The following SH3KBP1 variants were observed in gnomAD, a reference collection of about 807,000 sequenced individuals.
SH3KBP1 encodes the protein SH3 domain-containing kinase-binding protein 1.
A neutral mutation model predicts 50.1 loss-of-function variants in SH3KBP1; 8 were observed. That is an observed-to-expected ratio of 0.16 (90% CI 0.09 to 0.29). SH3KBP1 has a LOEUF of 0.29. SH3KBP1 is among the 10% of genes least tolerant of loss of function. The pLI is 1.00. For missense variants in SH3KBP1, 377 were observed against 535.2 expected, an observed-to-expected ratio of 0.70 and a Z score of 2.92; for synonymous variants, 227 against 218.6, an observed-to-expected ratio of 1.04 and a Z score of -0.34.
At chrX:19,791,181 G>C (rs763410005) in intron 2 of SH3KBP1, among the ~76,000 whole-genome samples, 19 of 111,247 alleles carry the variant, frequency 1.7e-4, no homozygotes, top group African/African-American at 4.6e-4. Flanking sequence ...AATAATTTAT[G>C]CCAGGCATGA....
intron 2 of SH3KBP1, among the ~76,000 whole-genome samples, chrX:19,801,813 C>T (rs944875422): frequency 4.5e-5 from 5 of 112,041 alleles, no homozygotes; most frequent in Non-Finnish European, 9.4e-5. Context: ...CAGTGTCTCA[C>T]GCCTGTAATT....
chrX:19,870,425 C>G (rs984512780), intron 1 of SH3KBP1, among the ~76,000 whole-genome samples: 1 of 110,831 alleles, frequency 9.0e-6, no homozygotes, highest in Non-Finnish European at 1.9e-5. Context: ...TCACTGCAGC[C>G]TCAACCTGCC....
At chrX:19,720,140 T>C (rs1160457724) in intron 3 of SH3KBP1, among the ~76,000 whole-genome samples, 7 of 110,780 alleles carry the variant, frequency 6.3e-5, no homozygotes, top group African/African-American at 2.3e-4. Flanking sequence ...TCCCTTCCAA[T>C]CAGAGTGAGA....
intron 2 of SH3KBP1, among the ~76,000 whole-genome samples, chrX:19,820,715 C>G (rs2067501198): frequency 9.1e-6 from 1 of 110,395 alleles, no homozygotes; most frequent in African/African-American, 3.3e-5. Context: ...AGGACTTACA[C>G]CTGCCATTGT....
rs749994475 is a variant in SH3KBP1 at position 19,607,977 on chromosome X, G to A, written c.966C>T (p.Phe322=). The A allele has an allele frequency of 1.1e-5, 13 of 1,209,420 alleles. No homozygotes were observed. In the East Asian group the frequency reaches 1.8e-4, roughly 17 times the overall value. The part of the protein sequence containing the change: ...NGRRGVFPDN[F]VKLLPPDFEK... The stretch of plus-strand genomic sequence containing the variant: ...CAAAGTCCGGTGGAAGTAACTTCAC[G>A]AAGTTATCGGGGAACACGCCTCGTC... Residue 322 remains phenylalanine, a synonymous_variant, in exon 9 of 18, where the codon TTC becomes TTT. Transcript: ENST00000397821.
At chrX:19,736,631 T>C (rs1357553685) in intron 3 of SH3KBP1, among the ~76,000 whole-genome samples, 1 of 112,022 alleles carries the variant, frequency 8.9e-6, no homozygotes, top group Non-Finnish European at 1.9e-5. Context: ...GGGCCCGCTG[T>C]TGGCCTAATC....
Position 19,687,765 on chromosome X carries a change from AGAAG to A in SH3KBP1, c.521-3741_521-3738del, listed in dbSNP as rs2063199076. 5.2e-6 allele frequency: 4 copies of A among 767,879 alleles called. No individual in the cohort carries two copies. In the East Asian group the frequency reaches 1.3e-4, roughly 24 times the overall value. 63.3% of individuals were successfully genotyped at this position (767,879 alleles called of 1,213,427 possible). On this transcript the variant is annotated intron_variant, in intron 5 of 17. Transcript: ENST00000397821. ...GGAGGAGGGAGCAAATGATGGCAAA[AGAAG>A]GAAGAGGAAGAGTCTTTAACTGAAC...
chrX:19,564,655 G>C (rs1231882901), intron 13 of SH3KBP1, among the ~76,000 whole-genome samples: 1 of 108,509 alleles, frequency 9.2e-6, no homozygotes, highest in South Asian at 4.0e-4. Flanking sequence ...TTACTTTTTT[G>C]TATATGAAAT....
intron 2 of SH3KBP1, among the ~76,000 whole-genome samples, chrX:19,776,144 T>C (rs1333536311): frequency 9.0e-6 from 1 of 111,708 alleles, no homozygotes; most frequent in Non-Finnish European, 1.9e-5. Context: ...CCTCAGAAGA[T>C]ACTTTCCTCA....
chrX:19,847,122 G>T (rs780547569), intron 1 of SH3KBP1, among the ~76,000 whole-genome samples: 2 of 111,411 alleles, frequency 1.8e-5, no homozygotes, highest in African/African-American at 6.5e-5. Context: ...CTTCTGTTAA[G>T]AAACATACTT....
intron 7 of SH3KBP1, among the ~76,000 whole-genome samples, chrX:19,642,113 G>T (rs977572863): frequency 8.9e-6 from 1 of 112,130 alleles, no homozygotes; most frequent in Non-Finnish European, 1.9e-5. Flanking sequence ...GAAGTGCTAG[G>T]ATTACAGGCA....
At chrX:19,802,772 G>A (rs190525880) in intron 2 of SH3KBP1, among the ~76,000 whole-genome samples, 4 of 111,085 alleles carry the variant, frequency 3.6e-5, no homozygotes, top group Admixed American at 9.5e-5. Flanking sequence ...TACTGGGCAC[G>A]CACCACAACG....
intron 12 of SH3KBP1, among the ~76,000 whole-genome samples, chrX:19,585,594 G>A (rs760049926): frequency 3.2e-4 from 36 of 111,441 alleles, no homozygotes; most frequent in South Asian, 1.1e-3. Flanking sequence ...ACGAGCAGGC[G>A]CTTGAGAGGC....
At chrX:19,548,599 T>G (rs922132049) in intron 14 of SH3KBP1, among the ~76,000 whole-genome samples, 2 of 111,063 alleles carry the variant, frequency 1.8e-5, no homozygotes, top group Non-Finnish European at 3.8e-5. Flanking sequence ...AGAGGAAAAA[T>G]AGGATGACTC....
chrX:19,548,031 C>A (rs1476181433), intron 14 of SH3KBP1, among the ~76,000 whole-genome samples: 1 of 112,875 alleles, frequency 8.9e-6, no homozygotes, highest in Non-Finnish European at 1.9e-5. Context: ...AGTCATTGTG[C>A]CGTAAGCTTC....
intron 13 of SH3KBP1, among the ~76,000 whole-genome samples, chrX:19,564,816 G>C (rs2065789760): frequency 9.1e-6 from 1 of 110,370 alleles, no homozygotes; most frequent in African/African-American, 3.3e-5. Flanking sequence ...ATTTGGGGCT[G>C]GGTCATTCTT....
intron 13 of SH3KBP1, among the ~76,000 whole-genome samples, chrX:19,551,550 C>CT (rs397800260): frequency 0.049 from 4,616 of 95,097 alleles, 289 homozygotes; most frequent in East Asian, 0.12. Context: ...CTCCCTCCCT[C>CT]TTTTTTTTTT....
intron 2 of SH3KBP1, among the ~76,000 whole-genome samples, chrX:19,793,894 G>A (rs1044581468): frequency 1.8e-5 from 2 of 111,036 alleles, no homozygotes; most frequent in Non-Finnish European, 3.8e-5. Context: ...CATCTTACTA[G>A]CTTGGTGACC....
intron 2 of SH3KBP1, among the ~76,000 whole-genome samples, chrX:19,763,893 G>A (rs1270151397): frequency 9.3e-6 from 1 of 107,624 alleles, no homozygotes; most frequent in African/African-American, 3.4e-5. Flanking sequence ...ACAGTGGCAT[G>A]CACCTGTAGT....
Sources: allele counts gnomAD v4.1 joint callset (sites outside exome capture counted in the v4.1 genomes callset), GRCh38; gene constraint gnomAD v4.1.1; transcripts MANE v1.5; gene names NCBI Gene and HGNC (gene_info 2026-07-23, HGNC 2026-07-21).